The following SNPH variants were observed in gnomAD, a reference collection of about 807,000 sequenced individuals.
SNPH encodes syntaphilin.
Under a neutral mutation model 36.8 loss-of-function variants are expected in SNPH, and 10 were observed. That is an observed-to-expected ratio of 0.27 (90% CI 0.17 to 0.46). SNPH has a LOEUF of 0.46. SNPH is among the 20% of genes least tolerant of loss of function. The pLI, the probability that SNPH is intolerant of heterozygous loss-of-function variation, is 1.00. For missense variants in SNPH, 622 were observed against 744.0 expected (o/e 0.84, Z 1.91); for synonymous variants, 281 against 312.2 (o/e 0.90, Z 1.05).
chr20:1,282,057 A>G (rs1331781122), intron 2 of SNPH, among the ~76,000 whole-genome samples: 2 of 152,256 alleles, frequency 1.3e-5, no homozygotes, highest in African/African-American at 4.8e-5. Flanking sequence ...GAGCTTGAAC[A>G]CTTTGCCTTT....
intron 2 of SNPH, among the ~76,000 whole-genome samples, chr20:1,291,570 C>T (rs147919278): frequency 6.6e-6 from 1 of 152,250 alleles, no homozygotes; most frequent in East Asian, 1.9e-4. Flanking sequence ...CTAGGAGCAC[C>T]AGGCACTCTG....
Position 1,305,039 on chromosome 20 carries a change from T to C in SNPH, c.602T>C (p.Ile201Thr). 1.2e-6 allele frequency: 2 copies of C among 1,613,998 alleles called. No homozygotes were observed. Among genetic ancestry groups the C allele is most frequent in the East Asian group, 2.2e-5 (1 of 44,880 alleles). The change falls in exon 7 of 7, where the codon ATT (isoleucine) becomes ACT (threonine). Residue 201 changes from isoleucine to threonine, a missense_variant. Coordinates refer to ENST00000381867, the MANE Select transcript of SNPH (RefSeq NM_001318234.2). Reference protein sequence around the residue: ...QVIDTVKNNLIDKDKGLQKYF... With the variant: ...QVIDTVKNNLTDKDKGLQKYF... ...ATCGACACTGTCAAGAACAACCTGA[T>C]TGACAAGGACAAGGGGCTGCAGAAG...
rs1259483361 is a variant in SNPH, at chr20:1,279,615, C to CTTTTTTTTTTTTTTTTT, written c.-493+12857_-493+12858insTTTTTTTTTTTTTTTTT. On this transcript the variant is annotated intron_variant, in intron 2 of 6. Coordinates refer to ENST00000381867, the MANE Select transcript of SNPH (RefSeq NM_001318234.2). Reference sequence around the variant, plus strand: ...AGACTGGTTTCCTGAGAGACTCCGGCTTCTTTTTTTTTTTTTTTTTTTGAG... The same window carrying CTTTTTTTTTTTTTTTTT: ...AGACTGGTTTCCTGAGAGACTCCGGCTTTTTTTTTTTTTTTTTTTCTTTTTTTTTTTTTTTTTTTGAG... 6.3e-5 allele frequency among the ~76,000 whole-genome samples: 7 copies of CTTTTTTTTTTTTTTTTT among 111,626 alleles called. 2 individuals carry two copies. The highest frequency in any genetic ancestry group is 2.1e-4 in the African/African-American group (7 of 32,858). 73.2% of individuals were successfully genotyped at this position (111,626 alleles called of 152,430 possible).
chr20:1,301,262 C>T (rs6078505), intron 6 of SNPH, among the ~76,000 whole-genome samples: 42,889 of 151,820 alleles, frequency 0.28, 6,287 homozygotes, highest in African/African-American at 0.32. Context: ...CTCCCAGGAG[C>T]CCCCGCAGGC....
rs2088133189 is a variant in SNPH, at chr20:1,276,453, C to CCG, written c.-493+9694_-493+9695dup. Among the ~76,000 whole-genome samples, 5 of 152,278 alleles carry CCG rather than the reference C, an allele frequency of 3.3e-5. No homozygotes were observed. The South Asian group carries it at 1.0e-3, about 32-fold the overall frequency. Reference sequence around the variant, plus strand: ...ACTTGGACTGCTGTCTCCGTCTCTGCCGTGGACTGACTTTGTGACTGGGCA... The same window carrying CCG: ...ACTTGGACTGCTGTCTCCGTCTCTGCCGCGTGGACTGACTTTGTGACTGGGCA... On this transcript the variant is annotated intron_variant, in intron 2 of 6. Coordinates refer to ENST00000381867, the MANE Select transcript of SNPH (RefSeq NM_001318234.2). This position sits in a 1 kb window ranked among gnomAD's most constrained non-coding sequence, Gnocchi z 4.6.
rs1399849901 is a variant in SNPH at position 1,295,934 on chromosome 20, A to G, written c.-306A>G. ...AGCAAGGGGGTGTGTGGGTCTGAGT[A>G]TCAGGGTCCTGGGGAAGAAGCAGGC... is the stretch of plus-strand genomic sequence containing the variant. On this transcript the variant is annotated 5_prime_UTR_variant, in exon 4 of 7. Coordinates refer to ENST00000381867, the MANE Select transcript of SNPH (RefSeq NM_001318234.2). 8 of 338,382 alleles carry G rather than the reference A, an allele frequency of 2.4e-5. No homozygotes were observed. In the East Asian group the frequency reaches 4.2e-4, roughly 18 times the overall value. 21.0% of individuals were successfully genotyped at this position (338,382 alleles called of 1,614,324 possible).
At chr20:1,287,688 C>T (rs928465368) in intron 2 of SNPH, among the ~76,000 whole-genome samples, 3 of 152,112 alleles carry the variant, frequency 2.0e-5, no homozygotes, top group African/African-American at 4.8e-5. Flanking sequence ...AATCTTACAT[C>T]CAGGATCCAA....
intron 6 of SNPH, among the ~76,000 whole-genome samples, chr20:1,302,559 C>T (rs2088515766): frequency 3.6e-5 from 5 of 137,980 alleles, no homozygotes; most frequent in Non-Finnish European, 6.2e-5. Flanking sequence ...TTAGCAATCA[C>T]CGCCAATTTC....
chr20:1,269,079 G>C (rs1158422745), intron 2 of SNPH, among the ~76,000 whole-genome samples: 2 of 152,062 alleles, frequency 1.3e-5, no homozygotes, highest in African/African-American at 2.4e-5. Context: ...TGAGGGAGGA[G>C]AGCAGGTAAT....
intron 2 of SNPH, among the ~76,000 whole-genome samples, chr20:1,275,704 T>C (rs559673659): frequency 7.2e-5 from 11 of 152,052 alleles, no homozygotes; most frequent in Non-Finnish European, 1.6e-4. Flanking sequence ...TCCTCAAAGC[T>C]TAGCTGGGCT....
chr20:1,277,407 A>AG (rs2088145129), intron 2 of SNPH, among the ~76,000 whole-genome samples: 1 of 143,420 alleles, frequency 7.0e-6, no homozygotes, highest in African/African-American at 2.6e-5. Context: ...ATGTGTGTGT[A>AG]TGTCTGTGTC....
chr20:1,292,359 C>G (rs2088373022), intron 2 of SNPH, among the ~76,000 whole-genome samples: 1 of 152,186 alleles, frequency 6.6e-6, no homozygotes, highest in Non-Finnish European at 1.5e-5. Context: ...CTGGATGTAT[C>G]AGAGAGCCAG....
chr20:1,295,520 C>T (rs925603751), intron 3 of SNPH, among the ~76,000 whole-genome samples: 3 of 152,244 alleles, frequency 2.0e-5, no homozygotes, highest in African/African-American at 7.2e-5. Flanking sequence ...TAAGTCTGTG[C>T]CCCTACATTC....
intron 2 of SNPH, among the ~76,000 whole-genome samples, chr20:1,282,071 G>A (rs1437200867): frequency 6.6e-6 from 1 of 152,214 alleles, no homozygotes; most frequent in African/African-American, 2.4e-5. Context: ...TGCCTTTTAA[G>A]GCTTTGGCTA....
intron 2 of SNPH, among the ~76,000 whole-genome samples, chr20:1,282,825 C>T (rs2088241749): frequency 6.6e-6 from 1 of 152,172 alleles, no homozygotes; most frequent in Non-Finnish European, 1.5e-5. Flanking sequence ...CCCCATTTTA[C>T]AGATGAAGTT....
Position 1,304,290 on chromosome 20 carries a change from C to T in SNPH, c.441-588C>T, listed in dbSNP as rs946689916. On this transcript the variant is annotated intron_variant, in intron 6 of 6. Coordinates refer to ENST00000381867, the MANE Select transcript of SNPH (RefSeq NM_001318234.2). The surrounding 1 kb of genome is among the most constrained non-coding windows in gnomAD (Gnocchi z 4.3). ...TCCCGTTCCACCCACCACTTCTCATCGCTCTGCATGAGGGATGATGTAAAA... is the reference window on the plus strand; with the variant it reads ...TCCCGTTCCACCCACCACTTCTCATTGCTCTGCATGAGGGATGATGTAAAA... Among the ~76,000 whole-genome samples, 8 of 152,140 alleles carry T rather than the reference C, an allele frequency of 5.3e-5. No homozygotes were observed. Among genetic ancestry groups the T allele is most frequent in the Non-Finnish European group, 8.8e-5 (6 of 68,042 alleles).
chr20:1,300,834 C>T, intron 6 of SNPH, 123 bp downstream of exon 6: 2 of 979,886 alleles, frequency 2.0e-6, no homozygotes, highest in Non-Finnish European at 2.9e-6. Context: ...TCCGTCTGCT[C>T]TCTCCTTCCC....
rs189388130 is a variant in SNPH, at chr20:1,290,791, G to A, written c.-492-4160G>A. ...CCAAACTGTTTTCCATAGCAGCAGCGTCATTTTACATCCCCACCAGCAATA... is the reference window on the plus strand; with the variant it reads ...CCAAACTGTTTTCCATAGCAGCAGCATCATTTTACATCCCCACCAGCAATA... On this transcript the variant is annotated intron_variant, in intron 2 of 6. Transcript: ENST00000381867. 9.8e-5 allele frequency among the ~76,000 whole-genome samples: 15 copies of A among 152,286 alleles called. No homozygotes were observed. The East Asian group carries it at 2.1e-3, about 22-fold the overall frequency.
In SNPH at chr20:1,304,276, C is replaced by G. The variant is rs2088539261; in HGVS notation, c.441-602C>G. Among the ~76,000 whole-genome samples, 1 of 152,118 alleles carries G rather than the reference C, an allele frequency of 6.6e-6. No homozygotes were observed. Among genetic ancestry groups the G allele is most frequent in the African/African-American group, 2.4e-5 (1 of 41,412 alleles). On this transcript the variant is annotated intron_variant, in intron 6 of 6. Coordinates refer to ENST00000381867, the MANE Select transcript of SNPH (RefSeq NM_001318234.2). The surrounding 1 kb of genome is among the most constrained non-coding windows in gnomAD (Gnocchi z 4.3). ...TGTTCTTATCACTCTCCCGTTCCAC[C>G]CACCACTTCTCATCGCTCTGCATGA... is the stretch of plus-strand genomic sequence containing the variant.
Sources: allele counts gnomAD v4.1 joint callset (sites outside exome capture counted in the v4.1 genomes callset), GRCh38; gene constraint gnomAD v4.1.1; non-coding constraint Gnocchi (gnomAD v3.1); transcripts MANE v1.5; gene names NCBI Gene and HGNC (gene_info 2026-07-23, HGNC 2026-07-21).